Variants in PLD5 observed in about 807,000 individuals in gnomAD.
The protein encoded by PLD5 is phospholipase D family member 5, also known as inactive phospholipase D5.
A neutral mutation model predicts 61.1 loss-of-function variants in PLD5; 36 were observed. That is an observed-to-expected ratio of 0.59 (90% CI 0.45 to 0.78). The LOEUF is 0.78. Ranked by LOEUF, PLD5 falls within the 30% of genes least tolerant of loss-of-function variation. The pLI, the probability that PLD5 is intolerant of heterozygous loss-of-function variation, is 0.00. For missense variants in PLD5, 515 were observed against 644.4 expected (o/e 0.80, Z 2.17); for synonymous variants, 243 against 242.8 (o/e 1.00, Z -0.01).
chr1:242,403,903 C>T (rs764887733), intron 1 of PLD5, among the ~76,000 whole-genome samples: 5 of 152,170 alleles, frequency 3.3e-5, no homozygotes, highest in Admixed American at 6.6e-5. Context: ...GAGGTTCCTT[C>T]CAATTCTATG....
intron 2 of PLD5, among the ~76,000 whole-genome samples, chr1:242,340,853 A>G (rs1211163151): frequency 1.3e-5 from 2 of 152,142 alleles, no homozygotes; most frequent in African/African-American, 4.8e-5. Context: ...AGGGAGGGAG[A>G]AGTACTATTC....
chr1:242,464,654 C>T (rs897967082), intron 1 of PLD5, among the ~76,000 whole-genome samples: 1 of 152,180 alleles, frequency 6.6e-6, no homozygotes, highest in Non-Finnish European at 1.5e-5. Context: ...AATTCCAACT[C>T]TAGGTATATA....
At chr1:242,139,647 G>A (rs1373120054) in intron 5 of PLD5, among the ~76,000 whole-genome samples, 1 of 152,140 alleles carries the variant, frequency 6.6e-6, no homozygotes, top group African/African-American at 2.4e-5. Context: ...CCTTGCAGTG[G>A]TGAGAAGCTG....
intron 2 of PLD5, among the ~76,000 whole-genome samples, chr1:242,324,932 C>G (rs1658654768): frequency 6.6e-6 from 1 of 152,192 alleles, no homozygotes; most frequent in South Asian, 2.1e-4. Flanking sequence ...ATTCCCTAGG[C>G]TCCTGCCTGC....
At chr1:242,320,875 G>C (rs1389558213) in intron 2 of PLD5, among the ~76,000 whole-genome samples, 2 of 151,994 alleles carry the variant, frequency 1.3e-5, no homozygotes, top group Non-Finnish European at 2.9e-5. Flanking sequence ...CTCTCCAAGT[G>C]ATTCTAACAT....
intron 6 of PLD5, among the ~76,000 whole-genome samples, chr1:242,123,107 A>G (rs1662513630): frequency 6.6e-6 from 1 of 152,208 alleles, no homozygotes. Flanking sequence ...CTTTAAGCAT[A>G]CTTCGTAGCC....
intron 5 of PLD5, among the ~76,000 whole-genome samples, chr1:242,181,627 C>T (rs541042554): frequency 6.6e-6 from 1 of 151,828 alleles, no homozygotes; most frequent in African/African-American, 2.4e-5. Context: ...TAAAGTACCA[C>T]TGACTGCTTG....
chr1:242,497,974 A>AT (rs1668426888), intron 1 of PLD5, among the ~76,000 whole-genome samples: 1 of 52,716 alleles, frequency 1.9e-5, no homozygotes, highest in Non-Finnish European at 4.1e-5. Context: ...TATTTATTTA[A>AT]TTTTTTTTGA....
In PLD5 at chr1:242,236,827, T is replaced by C. The variant is rs111329008; in HGVS notation, c.608-16712A>G. Among the ~76,000 whole-genome samples, 1,269 of 152,320 alleles carry C rather than the reference T, an allele frequency of 8.3e-3. 9 individuals are homozygous for C. The highest frequency in any genetic ancestry group is 0.014 in the Non-Finnish European group (929 of 68,026). ...TTCCAGTAGCCATTCCTTTTTCAAC[T>C]TCAGAATTCCTCCATTTCTAAACCT... On this transcript the variant is annotated intron_variant, in intron 4 of 9. Transcript: ENST00000536534.
intron 2 of PLD5, among the ~76,000 whole-genome samples, chr1:242,321,352 G>A (rs1211612072): frequency 6.6e-6 from 1 of 151,024 alleles, no homozygotes. Context: ...TGCCCAGGCT[G>A]GAGTACAATG....
At chr1:242,097,494 T>C (rs1281621811) in intron 9 of PLD5, among the ~76,000 whole-genome samples, 1 of 152,242 alleles carries the variant, frequency 6.6e-6, no homozygotes, top group Non-Finnish European at 1.5e-5. Context: ...ATTTCTCTGA[T>C]GGCCAGTGAG....
intron 1 of PLD5, among the ~76,000 whole-genome samples, chr1:242,394,813 A>AAC (rs747585265): frequency 9.0e-5 from 4 of 44,220 alleles, no homozygotes; most frequent in Non-Finnish European, 8.2e-5. Flanking sequence ...TATATATGTG[A>AAC]ATATATATAC....
chr1:242,297,403 CTTTTTT>C (rs71176739), intron 2 of PLD5, among the ~76,000 whole-genome samples: 1 of 21,892 alleles, frequency 4.6e-5, no homozygotes, highest in Non-Finnish European at 9.6e-5. Context: ...CCCTTCAAGA[CTTTTTT>C]TTTTTTTTTT....
At position 242,242,987 on chromosome 1, in the gene PLD5, T is replaced by C. The variant is rs145630326; in HGVS notation, c.607+22350A>G. 3.4e-3 allele frequency among the ~76,000 whole-genome samples: 521 copies of C among 152,328 alleles called. 3 individuals carry two copies. The highest frequency in any genetic ancestry group is 0.012 in the African/African-American group (494 of 41,578). ...TAGCCTCTGAAAAACTCATTCCCCA[T>C]ATCTTTCCTTCCAGTAAGGAATCGA... On this transcript the variant is annotated intron_variant, in intron 4 of 9. Transcript: ENST00000536534.
intron 5 of PLD5, among the ~76,000 whole-genome samples, chr1:242,174,659 T>C (rs1157423798): frequency 1.3e-5 from 2 of 152,182 alleles, no homozygotes; most frequent in African/African-American, 2.4e-5. Flanking sequence ...CAAATGTCCA[T>C]CAATGATAGA....
chr1:242,313,709 C>CA (rs200345525), intron 2 of PLD5, among the ~76,000 whole-genome samples: 2 of 152,172 alleles, frequency 1.3e-5, no homozygotes, highest in African/African-American at 2.4e-5. Flanking sequence ...CCTTTTCCAA[C>CA]AAAAAATCTT....
chr1:242,308,546 T>C (rs1034083307), intron 2 of PLD5, among the ~76,000 whole-genome samples: 3 of 152,204 alleles, frequency 2.0e-5, no homozygotes, highest in Non-Finnish European at 4.4e-5. Flanking sequence ...TAGTTGTATG[T>C]ACAGAAGTGA....
intron 1 of PLD5, among the ~76,000 whole-genome samples, chr1:242,356,829 T>C (rs912069927): frequency 2.0e-5 from 3 of 152,148 alleles, no homozygotes; most frequent in African/African-American, 7.2e-5. Flanking sequence ...ACTCCCCTCT[T>C]CCAAATTTTA....
chr1:242,228,678 G>T (rs757293456), intron 4 of PLD5, among the ~76,000 whole-genome samples: 29 of 151,630 alleles, frequency 1.9e-4, no homozygotes, highest in Non-Finnish European at 3.2e-4. Context: ...GAGGGAGAGA[G>T]AGGAAGGTAG....
Sources: gnomAD v4.1 joint callset for allele counts (sites outside exome capture counted in the v4.1 genomes callset) on GRCh38, gnomAD v4.1.1 for gene constraint, MANE v1.5 for transcripts, NCBI Gene and HGNC (gene_info 2026-07-23, HGNC 2026-07-21) for gene names.